Variants in BCKDHB observed in about 807,000 individuals in gnomAD.
BCKDHB encodes 2-oxoisovalerate dehydrogenase subunit beta, mitochondrial.
In BCKDHB, 41 loss-of-function variants were observed where a neutral mutation model predicts 48.5. That is an observed-to-expected ratio of 0.85 (90% CI 0.66 to 1.10). The LOEUF (loss-of-function observed/expected upper bound fraction) is 1.10, where lower values mean the gene tolerates loss of function less well. BCKDHB is among the 50% of genes least tolerant of loss of function. BCKDHB has a pLI of 0.00. For missense variants in BCKDHB, 496 were observed against 494.2 expected (o/e 1.00, Z -0.03); for synonymous variants, 201 against 174.8 (o/e 1.15, Z -1.18).
At chr6:80,150,550 C>CTTTTTTTTTTTTTTTTT (rs758701261) in intron 3 of BCKDHB, among the ~76,000 whole-genome samples, 1 of 105,466 alleles carries the variant, frequency 9.5e-6, no homozygotes, top group Non-Finnish European at 1.8e-5. Flanking sequence ...AGTTTGTCAT[C>CTTTTTTTTTTTTTTTTT]TTTTTTTTTT....
At chr6:80,402,988 A>T in the BCKDHB span, among the ~76,000 whole-genome samples, 36 of 151,854 alleles carry the variant, frequency 2.4e-4, no homozygotes, top group Admixed American at 1.1e-3. Flanking sequence ...ACAGTATCAC[A>T]CTGTTTTCAT....
intron 3 of BCKDHB, among the ~76,000 whole-genome samples, chr6:80,146,204 G>A (rs1269946951): frequency 6.6e-6 from 1 of 152,106 alleles, no homozygotes; most frequent in Non-Finnish European, 1.5e-5. Context: ...TACTGCTCTG[G>A]AAGGTACTAA....
chr6:80,294,679 C>T (rs1767130219), intron 9 of BCKDHB, among the ~76,000 whole-genome samples: 1 of 152,178 alleles, frequency 6.6e-6, no homozygotes, highest in African/African-American at 2.4e-5. Flanking sequence ...ACACCCTGGT[C>T]TCCTGCAGTA....
the BCKDHB span, among the ~76,000 whole-genome samples, chr6:80,374,738 A>T: frequency 2.0e-5 from 3 of 152,156 alleles, no homozygotes; most frequent in African/African-American, 4.8e-5. Context: ...TTATTGTTTC[A>T]TAGATCCTGT....
At chr6:80,305,159 C>T (rs187742644) in intron 9 of BCKDHB, among the ~76,000 whole-genome samples, 122 of 152,044 alleles carry the variant, frequency 8.0e-4, no homozygotes, top group Non-Finnish European at 1.5e-3. Context: ...AACAATGTTG[C>T]TATAGATAAA....
At chr6:80,396,137 G>T in the BCKDHB span, among the ~76,000 whole-genome samples, 42,380 of 152,012 alleles carry the variant, frequency 0.28, 7,374 homozygotes, top group East Asian at 0.54. Context: ...CCCCACTGGG[G>T]TATTGACTAG....
At position 80,106,702 on chromosome 6, in the gene BCKDHB, T is replaced by A. The variant is rs1373155112; in HGVS notation, c.9T>A (p.Val3=). ...CCCGGTGGTGAGCGGGGATGGCGGT[T>A]GTAGCGGCGGCTGCCGGCTGGCTAC... MA[V]VAAAAGWLLR... The change falls in exon 1 of 10, where the codon GTT becomes GTA. Residue 3 remains valine, a synonymous_variant. Coordinates refer to ENST00000320393, the MANE Select transcript of BCKDHB (RefSeq NM_183050.4). The A allele has an allele frequency of 3.2e-6, 5 of 1,556,630 alleles. No individual in the cohort carries two copies. Among genetic ancestry groups the A allele is most frequent in the Admixed American group, 1.9e-5 (1 of 52,076 alleles).
intron 8 of BCKDHB, among the ~76,000 whole-genome samples, chr6:80,266,619 C>CTTGTACAACTCGTTGTACAACAATTGTA (rs1777525959): frequency 6.6e-6 from 1 of 152,046 alleles, no homozygotes; most frequent in African/African-American, 2.4e-5. Context: ...TATTGTACTG[C>CTTGTACAACTCGTTGTACAACAATTGTA]GAACTCGTTA....
chr6:80,402,186 A>G, the BCKDHB span, among the ~76,000 whole-genome samples: 11 of 151,490 alleles, frequency 7.3e-5, no homozygotes, highest in African/African-American at 2.7e-4. Flanking sequence ...TTTTTAAGGA[A>G]CTCCATACTT....
chr6:80,302,225 A>C (rs1052610762), intron 9 of BCKDHB, among the ~76,000 whole-genome samples: 9 of 152,144 alleles, frequency 5.9e-5, no homozygotes, highest in Non-Finnish European at 1.2e-4. Flanking sequence ...TCTTCATTAA[A>C]AATATGATTT....
chr6:80,171,038 T>A (rs960242813), intron 5 of BCKDHB, among the ~76,000 whole-genome samples: 3 of 152,142 alleles, frequency 2.0e-5, no homozygotes, highest in African/African-American at 7.2e-5. Context: ...AAGTTTAGCT[T>A]CTTAAGAGTA....
At chr6:80,354,746 A>G in the BCKDHB span, among the ~76,000 whole-genome samples, 1 of 152,126 alleles carries the variant, frequency 6.6e-6, no homozygotes, top group East Asian at 1.9e-4. Flanking sequence ...TTTTCTCAGC[A>G]CCATTTATGG....
At chr6:80,202,578 A>G (rs1774445564) in intron 7 of BCKDHB, among the ~76,000 whole-genome samples, 1 of 152,090 alleles carries the variant, frequency 6.6e-6, no homozygotes, top group South Asian at 2.1e-4. Context: ...CTGCTATGGT[A>G]TGTGATACTG....
intron 8 of BCKDHB, among the ~76,000 whole-genome samples, chr6:80,253,924 AT>A (rs1156642420): frequency 1.3e-5 from 2 of 151,850 alleles, no homozygotes; most frequent in Admixed American, 6.6e-5. Context: ...AATTAAAAAA[AT>A]CTACAGAACT....
At chr6:80,165,603 C>T (rs979238653) in intron 3 of BCKDHB, among the ~76,000 whole-genome samples, 4 of 152,154 alleles carry the variant, frequency 2.6e-5, no homozygotes, top group African/African-American at 4.8e-5. Context: ...TGTCTTTGTC[C>T]ACCCAGAATC....
intron 8 of BCKDHB, among the ~76,000 whole-genome samples, chr6:80,259,669 T>C (rs963609396): frequency 2.0e-5 from 3 of 152,224 alleles, no homozygotes; most frequent in Non-Finnish European, 2.9e-5. Flanking sequence ...TACCCTAACA[T>C]GTTTCTTTTA....
intron 8 of BCKDHB, among the ~76,000 whole-genome samples, chr6:80,226,726 G>GT (rs1775694752): frequency 6.6e-6 from 1 of 152,148 alleles, no homozygotes; most frequent in East Asian, 1.9e-4. Context: ...TAGCTGTCAG[G>GT]TTTTTTTCTG....
the BCKDHB span, among the ~76,000 whole-genome samples, chr6:80,439,971 A>G: frequency 6.6e-6 from 1 of 152,246 alleles, no homozygotes; most frequent in Non-Finnish European, 1.5e-5. Context: ...CTGAGAGATG[A>G]AGTCAGAGAA....
the BCKDHB span, among the ~76,000 whole-genome samples, chr6:80,393,037 TGAAA>T: frequency 9.2e-5 from 14 of 152,054 alleles, no homozygotes; most frequent in Non-Finnish European, 1.5e-5. Flanking sequence ...CCCAATACCC[TGAAA>T]GAGTTTTTTC....
Sources: allele counts gnomAD v4.1 joint callset (sites outside exome capture counted in the v4.1 genomes callset), GRCh38; gene constraint gnomAD v4.1.1; transcripts MANE v1.5; gene names NCBI Gene and HGNC (gene_info 2026-07-23, HGNC 2026-07-21).